Variants in WWOX observed in about 807,000 individuals in gnomAD.
WWOX encodes WW domain containing oxidoreductase, also known as WW domain-containing oxidoreductase.
WWOX carries 69 observed loss-of-function variants against 46.2 expected under a neutral mutation model. That is an observed-to-expected ratio of 1.49 (90% CI 1.23 to 1.82). The LOEUF (loss-of-function observed/expected upper bound fraction) is 1.82. Ranked by LOEUF, WWOX falls within the 40% of genes most tolerant of loss-of-function variation. The pLI, the probability that WWOX is intolerant of heterozygous loss-of-function variation, is 0.00. For synonymous variants in WWOX, 359 were observed against 202.6 expected, an observed-to-expected ratio of 1.77 and a Z score of -6.56; for missense variants, 919 against 542.6, an observed-to-expected ratio of 1.69 and a Z score of -6.89.
chr16:78,714,870 G>C lies in WWOX; in HGVS notation c.1056+282118G>C, dbSNP rs183415497. Among the ~76,000 whole-genome samples the C allele has an allele frequency of 2.6e-4, 40 of 152,294 alleles. No individual in the cohort carries two copies. The South Asian group carries it at 7.9e-3, about 30-fold the overall frequency. On this transcript the variant is annotated intron_variant, in intron 8 of 8. Transcript: ENST00000566780. The stretch of plus-strand genomic sequence containing the variant: ...AGTGAGTGGTTTTAAGCCAGAGAGA[G>C]ATTGATAAGACATGGAATGATATGG...
At chr16:78,934,392 C>T (rs1207280580) in intron 8 of WWOX, among the ~76,000 whole-genome samples, 3 of 147,066 alleles carry the variant, frequency 2.0e-5, no homozygotes, top group African/African-American at 7.5e-5. Context: ...ACCTGTAGTC[C>T]TAGCTACTTG....
chr16:78,863,779 C>G (rs2043944055), intron 8 of WWOX, among the ~76,000 whole-genome samples: 1 of 152,192 alleles, frequency 6.6e-6, no homozygotes, highest in Admixed American at 6.5e-5. Flanking sequence ...CATAAACAAA[C>G]TATCACAGGC....
At chr16:78,600,579 A>T (rs2045598174) in intron 8 of WWOX, among the ~76,000 whole-genome samples, 1 of 152,176 alleles carries the variant, frequency 6.6e-6, no homozygotes, top group African/African-American at 2.4e-5. Flanking sequence ...GTGGGGCTAT[A>T]GTCCAGAGAG....
chr16:78,567,666 G>A (rs1388899468), intron 8 of WWOX, among the ~76,000 whole-genome samples: 1 of 151,880 alleles, frequency 6.6e-6, no homozygotes, highest in East Asian at 1.9e-4. Context: ...TGCGTAACTA[G>A]GGCAAAGAAG....
At chr16:78,545,945 C>G (rs979781714) in intron 8 of WWOX, among the ~76,000 whole-genome samples, 5 of 152,110 alleles carry the variant, frequency 3.3e-5, no homozygotes, top group African/African-American at 9.7e-5. Context: ...CTTAGTTACC[C>G]TTTCAAAGGC....
At chr16:79,160,789 G>T (rs955226209) in intron 8 of WWOX, among the ~76,000 whole-genome samples, 1 of 152,136 alleles carries the variant, frequency 6.6e-6, no homozygotes, top group East Asian at 1.9e-4. Flanking sequence ...TCATATGTCT[G>T]TGTGTACATA....
intron 8 of WWOX, among the ~76,000 whole-genome samples, chr16:78,582,339 G>A (rs896732028): frequency 2.6e-5 from 4 of 152,182 alleles, no homozygotes; most frequent in Admixed American, 6.5e-5. Flanking sequence ...AGATAAAAAT[G>A]TTAATTGTAT....
chr16:78,660,064 G>C (rs1421389157), intron 8 of WWOX, among the ~76,000 whole-genome samples: 1 of 152,188 alleles, frequency 6.6e-6, no homozygotes, highest in African/African-American at 2.4e-5. Context: ...AGTGACACCA[G>C]AGTTGTTTAT....
chr16:79,151,344 A>G (rs1405119276), intron 8 of WWOX, among the ~76,000 whole-genome samples: 1 of 152,198 alleles, frequency 6.6e-6, no homozygotes, highest in Non-Finnish European at 1.5e-5. Flanking sequence ...CGTCTCCAGC[A>G]GGTGTTGTGT....
chr16:78,579,852 A>C (rs548293956), intron 8 of WWOX, among the ~76,000 whole-genome samples: 2 of 152,286 alleles, frequency 1.3e-5, no homozygotes, highest in Non-Finnish European at 1.5e-5. Context: ...TTCTTCTGAA[A>C]TGAGGCTGCC....
At chr16:78,808,365 A>G (rs1475710088) in intron 8 of WWOX, among the ~76,000 whole-genome samples, 1 of 152,248 alleles carries the variant, frequency 6.6e-6, no homozygotes, top group African/African-American at 2.4e-5. Context: ...GGTAGGGTAA[A>G]TAATAGGTCT....
chr16:78,350,296 C>G (rs2081161578), intron 5 of WWOX, among the ~76,000 whole-genome samples: 1 of 121,636 alleles, frequency 8.2e-6, no homozygotes, highest in African/African-American at 2.8e-5. Context: ...TGATATATAA[C>G]ACAGATACAT....
intron 5 of WWOX, among the ~76,000 whole-genome samples, chr16:78,332,152 A>T (rs141898699): frequency 1.3e-5 from 2 of 152,198 alleles, no homozygotes; most frequent in Non-Finnish European, 2.9e-5. Flanking sequence ...GCCCACCTAC[A>T]TCCTGGGTTA....
chr16:79,008,237 A>G (rs1366960355), intron 8 of WWOX, among the ~76,000 whole-genome samples: 3 of 152,172 alleles, frequency 2.0e-5, no homozygotes, highest in African/African-American at 4.8e-5. Flanking sequence ...TGACCTCACA[A>G]CATGACTGTT....
chr16:78,436,071 G>A (rs989738393), intron 8 of WWOX, among the ~76,000 whole-genome samples: 2 of 152,166 alleles, frequency 1.3e-5, no homozygotes, highest in African/African-American at 4.8e-5. Flanking sequence ...ATACTGGAGA[G>A]CGTGGTCAAA....
At chr16:78,981,450 T>C (rs1384111694) in intron 8 of WWOX, among the ~76,000 whole-genome samples, 1 of 152,002 alleles carries the variant, frequency 6.6e-6, no homozygotes, top group African/African-American at 2.4e-5. Context: ...CATTTTTTTT[T>C]TTTTTTAGGT....
At chr16:78,521,783 GTT>G (rs71811874) in intron 8 of WWOX, among the ~76,000 whole-genome samples, 39,502 of 147,402 alleles carry the variant, frequency 0.27, 6,129 homozygotes, top group African/African-American at 0.43. Context: ...CACATAACTT[GTT>G]TTTTTTTTTG....
chr16:78,135,879 C>G (rs1357308020), intron 4 of WWOX, among the ~76,000 whole-genome samples: 1 of 152,094 alleles, frequency 6.6e-6, no homozygotes, highest in East Asian at 1.9e-4. Context: ...GAGAATTCAC[C>G]TTTGTAGCTG....
intron 5 of WWOX, among the ~76,000 whole-genome samples, chr16:78,207,956 G>A (rs1036761408): frequency 2.0e-5 from 3 of 152,108 alleles, no homozygotes; most frequent in African/African-American, 7.2e-5. Flanking sequence ...GGGATTGCAG[G>A]TATTTGCCAC....
Sources: gnomAD v4.1 joint callset for allele counts (sites outside exome capture counted in the v4.1 genomes callset) on GRCh38, gnomAD v4.1.1 for gene constraint, MANE v1.5 for transcripts, NCBI Gene and HGNC (gene_info 2026-07-23, HGNC 2026-07-21) for gene names.